The following ZNF469 variants were observed in gnomAD, a reference collection of about 807,000 sequenced individuals.
The protein encoded by ZNF469 is zinc finger protein 469.
A neutral mutation model predicts 1.0 loss-of-function variants in ZNF469; 1 was observed. The observed-to-expected ratio is 1.00, with a 90% CI of 0.35 to 4.73. The LOEUF (loss-of-function observed/expected upper bound fraction) is 4.73, where lower values mean the gene tolerates loss of function less well. Ranked by LOEUF, ZNF469 falls within the 30% of genes most tolerant of loss-of-function variation. The probability of loss-of-function intolerance (pLI) is 0.16; values close to 1 mark genes in which losing one functional copy is unlikely to be tolerated. For synonymous variants in ZNF469, 2,703 were observed against 2,363.4 expected, an observed-to-expected ratio of 1.14 and a Z score of -4.17; for missense variants, 6,100 against 5,356.3, an observed-to-expected ratio of 1.14 and a Z score of -4.33.
chr16:88,398,467 C>G (rs1349656171), intron 1 of ZNF469, among the ~76,000 whole-genome samples: 1 of 149,478 alleles, frequency 6.7e-6, no homozygotes, highest in Non-Finnish European at 1.5e-5. Context: ...AAAGGGGGAC[C>G]CGTGAGCCAC....
At chr16:88,122,166 C>T in the ZNF469 span, among the ~76,000 whole-genome samples, 1 of 147,396 alleles carries the variant, frequency 6.8e-6, no homozygotes. Flanking sequence ...CTCGGTATGG[C>T]CACGGCAACC....
rs960633742 is a variant in ZNF469, at chr16:88,427,573, C to G, written c.103C>G (p.Leu35Val). 2.6e-6 allele frequency: 4 copies of G among 1,537,144 alleles called. No homozygotes were observed. Among genetic ancestry groups the G allele is most frequent in the Non-Finnish European group, 3.5e-6 (4 of 1,146,472 alleles). ...SSPGHPSQPPLEDNTPATRTT... is the reference protein window; with the variant it reads ...SSPGHPSQPPVEDNTPATRTT... ...CCCGGGGCACCCCTCCCAGCCGCCA[C>G]TGGAGGACAACACCCCAGCTACCAG... is the stretch of plus-strand genomic sequence containing the variant. The change falls in exon 3 of 3, where the codon CTG becomes GTG. Residue 35 changes from leucine to valine, a missense_variant. By Grantham distance (32) the Leu-to-Val change is conservative. Transcript: ENST00000565624.
the ZNF469 span, among the ~76,000 whole-genome samples, chr16:88,369,779 G>A: frequency 4.6e-5 from 7 of 152,144 alleles, no homozygotes; most frequent in African/African-American, 1.7e-4. Context: ...GGTGGGGCCC[G>A]CCCTGTGCTG....
At chr16:88,359,108 T>C in the ZNF469 span, among the ~76,000 whole-genome samples, 1 of 152,222 alleles carries the variant, frequency 6.6e-6, no homozygotes, top group Non-Finnish European at 1.5e-5. Context: ...AGAGGATCTG[T>C]GGCAAGTTAC....
At chr16:88,111,172 C>T in the ZNF469 span, among the ~76,000 whole-genome samples, 4 of 152,196 alleles carry the variant, frequency 2.6e-5, no homozygotes, top group African/African-American at 9.7e-5. Flanking sequence ...ACGCCACTGC[C>T]GAAGAGGCCA....
chr16:88,119,598 T>C, the ZNF469 span, among the ~76,000 whole-genome samples: 3 of 152,176 alleles, frequency 2.0e-5, no homozygotes, highest in African/African-American at 7.2e-5. Flanking sequence ...GCAGCCTGGA[T>C]GTGTTTTACG....
the ZNF469 span, among the ~76,000 whole-genome samples, chr16:88,203,746 G>GTGTGTA: frequency 6.6e-6 from 1 of 152,210 alleles, no homozygotes; most frequent in Non-Finnish European, 1.5e-5. Context: ...GTGTGTGTGT[G>GTGTGTA]TGTATCTCTG....
chr16:88,434,779 G>A lies in ZNF469; in HGVS notation c.7309G>A (p.Asp2437Asn), dbSNP rs1233521979. ...TGCCTCCCACCAGACTCCCCAGGGGGACCCCCTCGGCCCCCAAGACCTCAA... is the reference window on the plus strand; with the variant it reads ...TGCCTCCCACCAGACTCCCCAGGGGAACCCCCTCGGCCCCCAAGACCTCAA... Reference protein sequence around the residue: ...RNASHQTPQGDPLGPQDLKQR... With the variant: ...RNASHQTPQGNPLGPQDLKQR... Residue 2437 changes from aspartate to asparagine, a missense_variant, in exon 3 of 3, where the codon GAC becomes AAC. Asp to Asn is a conservative substitution (Grantham distance 23). Coordinates refer to ENST00000565624, the MANE Select transcript of ZNF469 (RefSeq NM_001367624.2). 2.6e-6 allele frequency: 4 copies of A among 1,550,338 alleles called. No homozygotes were observed. The highest frequency in any genetic ancestry group is 3.5e-6 in the Non-Finnish European group (4 of 1,146,960).
At chr16:88,381,300 A>G (rs1007096292), upstream of ZNF469, among the ~76,000 whole-genome samples, 3 of 146,916 alleles carry the variant, frequency 2.0e-5, no homozygotes, top group African/African-American at 7.6e-5. Context: ...ACTCACACAC[A>G]TGCACTCATG....
chr16:88,343,798 C>G, the ZNF469 span, among the ~76,000 whole-genome samples: 1 of 152,136 alleles, frequency 6.6e-6, no homozygotes, highest in African/African-American at 2.4e-5. Context: ...CTCTTAAAGG[C>G]CCCACCTCTC....
the ZNF469 span, among the ~76,000 whole-genome samples, chr16:88,198,373 A>G: frequency 6.6e-6 from 1 of 152,174 alleles, no homozygotes; most frequent in African/African-American, 2.4e-5. Flanking sequence ...TACATGTGTT[A>G]AAGCCTCCTC....
chr16:88,136,111 C>T, the ZNF469 span, among the ~76,000 whole-genome samples: 4,414 of 152,240 alleles, frequency 0.029, 211 homozygotes, highest in African/African-American at 0.1. Context: ...CAGTTGTCCA[C>T]GTCCTAGTCC....
rs771276595 is a variant in ZNF469, at chr16:88,431,943, G to A, written c.4473G>A (p.Thr1491=). 1.5e-5 allele frequency: 23 copies of A among 1,549,142 alleles called. No individual in the cohort carries two copies. Among genetic ancestry groups the A allele is most frequent in the South Asian group, 7.1e-5 (6 of 84,062 alleles). The change falls in exon 3 of 3, where the codon ACG becomes ACA. Residue 1491 remains threonine, a synonymous_variant. Coordinates refer to ENST00000565624, the MANE Select transcript of ZNF469 (RefSeq NM_001367624.2). ...CATGTGCCGACCCTCCCCAGAAGAC[G>A]GTGCCGTCAGATCCACCGTACCCCT... ...PFACADPPQK[T]VPSDPPYPSF...
chr16:88,402,330 C>G lies in ZNF469; in HGVS notation c.-192+19076C>G, dbSNP rs1225043151. Among the ~76,000 whole-genome samples, 3 of 152,136 alleles carry G rather than the reference C, an allele frequency of 2.0e-5. No individual in the cohort carries two copies. In the East Asian group the frequency reaches 5.8e-4, roughly 29 times the overall value. ...CCATCTAGTGCAGGAAGCAGATTCA[C>G]CCAGGTGAACAGGTGGATCAAGAAC... On this transcript the variant is annotated intron_variant, in intron 1 of 2. Coordinates refer to ENST00000565624, the MANE Select transcript of ZNF469 (RefSeq NM_001367624.2).
In ZNF469 at chr16:88,387,539, G is replaced by A. The variant is rs142871347; in HGVS notation, c.-192+4285G>A. 4.0e-3 allele frequency among the ~76,000 whole-genome samples: 608 copies of A among 152,352 alleles called. 1 individual carries two copies. Among genetic ancestry groups the A allele is most frequent in the South Asian group, 8.7e-3 (42 of 4,830 alleles). Reference sequence around the variant, plus strand: ...AGCGACAACGCTGGGGGCGGCTTGGGGGCTGTGACCCGGCGTCAAACGGTA... The same window carrying A: ...AGCGACAACGCTGGGGGCGGCTTGGAGGCTGTGACCCGGCGTCAAACGGTA... On this transcript the variant is annotated intron_variant, in intron 1 of 2. Transcript: ENST00000565624.
the ZNF469 span, among the ~76,000 whole-genome samples, chr16:88,201,223 G>T: frequency 6.6e-6 from 1 of 152,226 alleles, no homozygotes; most frequent in Non-Finnish European, 1.5e-5. The surrounding 1 kb of genome is among the most constrained non-coding windows in gnomAD (Gnocchi z 5.0). Context: ...GTAGTTCTCT[G>T]CATTGTGTCT....
At chr16:88,184,937 C>G in the ZNF469 span, among the ~76,000 whole-genome samples, 1 of 151,796 alleles carries the variant, frequency 6.6e-6, no homozygotes, top group Non-Finnish European at 1.5e-5. Context: ...TGCACAGACC[C>G]TCACACTCAT....
chr16:88,155,886 G>A, the ZNF469 span, among the ~76,000 whole-genome samples: 4 of 152,112 alleles, frequency 2.6e-5, no homozygotes, highest in Admixed American at 6.5e-5. Context: ...TGAGGGCCTC[G>A]TCATCGCCAC....
chr16:88,274,638 A>G, the ZNF469 span, among the ~76,000 whole-genome samples: 2 of 152,222 alleles, frequency 1.3e-5, no homozygotes, highest in Non-Finnish European at 2.9e-5. Context: ...CTGTGTGAAA[A>G]GGCCGTGGGG....
Sources: gnomAD v4.1 joint callset for allele counts (sites outside exome capture counted in the v4.1 genomes callset) on GRCh38, gnomAD v4.1.1 for gene constraint, Gnocchi (gnomAD v3.1) non-coding constraint, MANE v1.5 for transcripts, NCBI Gene and HGNC (gene_info 2026-07-23, HGNC 2026-07-21) for gene names.